CFAP20DC: variants seen among roughly 807,000 people sequenced by gnomAD.
The protein encoded by CFAP20DC is CFAP20 domain containing.
A neutral mutation model predicts 101.7 loss-of-function variants in CFAP20DC; 84 were observed. That is an observed-to-expected ratio of 0.83 (90% CI 0.69 to 0.99). The LOEUF is 0.99. Among genes scored for constraint, CFAP20DC ranks in the 50% least tolerant of loss-of-function variants. The pLI is 0.00. For missense variants in CFAP20DC, 1,007 were observed against 970.3 expected (o/e 1.04, Z -0.50); for synonymous variants, 359 against 351.2 (o/e 1.02, Z -0.25).
In CFAP20DC at chr3:58,748,309, T is replaced by C. The variant is rs1000956562; in HGVS notation, c.2332+5460A>G. On this transcript the variant is annotated intron_variant, in intron 16 of 16. Coordinates refer to ENST00000482387, the MANE Select transcript of CFAP20DC (RefSeq NM_001394063.1). Reference sequence around the variant, plus strand: ...GTATCAACGTTGAGCTATGGGAAAATGCATCCCAATTCCAGCAAGGAAAGC... The same window carrying C: ...GTATCAACGTTGAGCTATGGGAAAACGCATCCCAATTCCAGCAAGGAAAGC... 2.6e-5 allele frequency among the ~76,000 whole-genome samples: 4 copies of C among 152,094 alleles called. No individual in the cohort carries two copies. The East Asian group carries it at 7.7e-4, about 29-fold the overall frequency.
At chr3:58,961,382 C>T (rs1294094987) in intron 4 of CFAP20DC, among the ~76,000 whole-genome samples, 7 of 151,990 alleles carry the variant, frequency 4.6e-5, no homozygotes, top group East Asian at 1.9e-4. Flanking sequence ...GGTGAAACCC[C>T]GTCTCTACTA....
At chr3:58,855,820 G>C (rs2078738453) in intron 12 of CFAP20DC, among the ~76,000 whole-genome samples, 1 of 130,172 alleles carries the variant, frequency 7.7e-6, no homozygotes, top group African/African-American at 2.9e-5. Context: ...GAACATCACA[G>C]TCTGGGGACT....
intron 13 of CFAP20DC, among the ~76,000 whole-genome samples, chr3:58,834,022 C>T (rs7627981): frequency 0.18 from 27,818 of 151,936 alleles, 4,494 homozygotes; most frequent in African/African-American, 0.42. Flanking sequence ...AATAGATTAG[C>T]GGATGGTGGG....
intron 3 of CFAP20DC, chr3:58,725,917 G>T (rs993160241): frequency 3.1e-5 from 5 of 160,246 alleles, no homozygotes; most frequent in Non-Finnish European, 6.8e-5. Flanking sequence ...AACTCAAGGT[G>T]CAACAGTTAC....
At position 58,859,215 on chromosome 3, in the gene CFAP20DC, A is replaced by T. The variant is rs1190104258; in HGVS notation, c.1593+4343T>A. On this transcript the variant is annotated intron_variant, in intron 12 of 16. Transcript: ENST00000482387. The surrounding 1 kb of genome is among the most constrained non-coding windows in gnomAD (Gnocchi z 4.1). ...GATATTAAAAAGGTTTGGCCAAATTACTTTCATGACATCTTTACCTATAGC... is the reference window on the plus strand; with the variant it reads ...GATATTAAAAAGGTTTGGCCAAATTTCTTTCATGACATCTTTACCTATAGC... Among the ~76,000 whole-genome samples the T allele has an allele frequency of 1.3e-5, 2 of 152,338 alleles. No homozygotes were observed. The highest frequency in any genetic ancestry group is 4.8e-5 in the African/African-American group (2 of 41,586).
At chr3:58,891,600 G>A (rs993677216) in intron 6 of CFAP20DC, among the ~76,000 whole-genome samples, 1 of 152,076 alleles carries the variant, frequency 6.6e-6, no homozygotes, top group Non-Finnish European at 1.5e-5. Context: ...CTGCATGTAC[G>A]GCTTCTTTTG....
rs2081277236 is a variant in CFAP20DC, at chr3:58,882,163, T to C, written c.715+2382A>G. ...ATTAGATGACAATTATTCATTTCTG[T>C]ATATATGACTCAAGTTCACTACTAT... On this transcript the variant is annotated intron_variant, in intron 7 of 16. Coordinates refer to ENST00000482387, the MANE Select transcript of CFAP20DC (RefSeq NM_001394063.1). This position sits in a 1 kb window ranked among gnomAD's most constrained non-coding sequence, Gnocchi z 4.2. Among the ~76,000 whole-genome samples the C allele has an allele frequency of 6.6e-6, 1 of 152,178 alleles. No homozygotes were observed. Among genetic ancestry groups the C allele is most frequent in the South Asian group, 2.1e-4 (1 of 4,832 alleles).
chr3:58,825,835 T>C (rs1328672007), intron 14 of CFAP20DC, among the ~76,000 whole-genome samples: 1 of 152,230 alleles, frequency 6.6e-6, no homozygotes, highest in Non-Finnish European at 1.5e-5. Context: ...CTCAGTAGGC[T>C]TGATTTATTT....
At chr3:58,949,300 C>T (rs377372054) in intron 4 of CFAP20DC, among the ~76,000 whole-genome samples, 2 of 151,808 alleles carry the variant, frequency 1.3e-5, no homozygotes, top group East Asian at 3.8e-4. Flanking sequence ...CTGCTCTGAT[C>T]TTAGTTATTT....
chr3:58,987,999 A>T (rs1215447941), intron 4 of CFAP20DC, among the ~76,000 whole-genome samples: 1 of 152,094 alleles, frequency 6.6e-6, no homozygotes, highest in East Asian at 1.9e-4. Context: ...GAGGATGACT[A>T]GAAAAATTAT....
intron 4 of CFAP20DC, among the ~76,000 whole-genome samples, chr3:58,991,339 A>G (rs1397711345): frequency 6.6e-6 from 1 of 152,158 alleles, no homozygotes; most frequent in African/African-American, 2.4e-5. Context: ...TAGGAAATTA[A>G]TGATGTCTTC....
rs541691580 is a variant in CFAP20DC, at chr3:58,939,289, G to C, written c.279-1527C>G. Among the ~76,000 whole-genome samples the C allele has an allele frequency of 1.2e-4, 19 of 152,096 alleles. No individual in the cohort carries two copies. In the South Asian group the frequency reaches 4.0e-3, roughly 32 times the overall value. ...AATCATGTCATCAGAGACGCTATTA[G>C]GTCTCTTCTGTAAGTTCTCATTAGG... On this transcript the variant is annotated intron_variant, in intron 4 of 16. Transcript: ENST00000482387.
At chr3:58,771,824 A>G (rs914911816) in intron 15 of CFAP20DC, among the ~76,000 whole-genome samples, 3 of 151,914 alleles carry the variant, frequency 2.0e-5, no homozygotes, top group Admixed American at 6.6e-5. Flanking sequence ...CCCAAACCCC[A>G]TTTCCTGTTG....
chr3:58,858,080 T>C (rs2078980098), intron 12 of CFAP20DC, among the ~76,000 whole-genome samples: 1 of 152,234 alleles, frequency 6.6e-6, no homozygotes, highest in Non-Finnish European at 1.5e-5. Context: ...TGTACAGCAA[T>C]TGAATATAAT....
intron 12 of CFAP20DC, among the ~76,000 whole-genome samples, chr3:58,851,858 G>T (rs761268672): frequency 4.6e-5 from 7 of 152,146 alleles, no homozygotes; most frequent in Non-Finnish European, 7.4e-5. Context: ...CAAAACTCTT[G>T]CAAATTTGAA....
rs1226305160 is a variant in CFAP20DC at position 58,869,331 on chromosome 3, G to A, written c.1012C>T (p.His338Tyr). The change falls in exon 9 of 17, where the codon CAT becomes TAT. Residue 338 changes from histidine (H) to tyrosine (Y), a missense_variant. Transcript: ENST00000482387. This position sits in a 1 kb window ranked among gnomAD's most constrained non-coding sequence, Gnocchi z 4.3. The part of the protein sequence containing the change: ...IHQIKQTVPI[H>Y]AANLHIMHPH... ...TTTATGCATGATTATTTCTTACCATGAATAGGTACAGTCTGCTTTATTTGG... is the reference window on the plus strand; with the variant it reads ...TTTATGCATGATTATTTCTTACCATAAATAGGTACAGTCTGCTTTATTTGG... 9.9e-6 allele frequency: 16 copies of A among 1,608,760 alleles called. No individual in the cohort carries two copies. The South Asian group carries it at 1.7e-4, about 17-fold the overall frequency.
chr3:58,941,791 C>T (rs190400748), intron 4 of CFAP20DC, among the ~76,000 whole-genome samples: 3 of 152,124 alleles, frequency 2.0e-5, no homozygotes, highest in Non-Finnish European at 2.9e-5. Flanking sequence ...CTCCTGACCT[C>T]GTGATCCGCC....
chr3:58,753,844 T>C lies in CFAP20DC; in HGVS notation c.2257A>G (p.Ser753Gly). The change falls in exon 16 of 17, where the codon AGC (serine) becomes GGC (glycine). Residue 753 changes from serine to glycine, a missense_variant. Ser to Gly is a moderately conservative substitution (Grantham distance 56, BLOSUM62 0). Coordinates refer to ENST00000482387, the MANE Select transcript of CFAP20DC (RefSeq NM_001394063.1). ...SNPRDWLNML[S>G]PPIVPPSQQP... ...TGACTGGGAGGAACGATTGGTGGGC[T>C]CAACATATTTAACCAGTCCCTAAAA... 6.2e-7 allele frequency: 1 copy of C among 1,611,680 alleles called. No individual in the cohort carries two copies. The highest frequency in any genetic ancestry group is 8.5e-7 in the Non-Finnish European group (1 of 1,178,536).
In CFAP20DC at chr3:58,717,540, A is replaced by C; in HGVS notation, c.*48T>G. ...ATGCTCAAGGAAGAAGTGAGGACCC[A>C]CACTTCCAGGTTCTTGTCCTGATAT... On this transcript the variant is annotated 3_prime_UTR_variant, in exon 4 of 4. Coordinates refer to the CFAP20DC transcript ENST00000486145. This position sits in a 1 kb window ranked among gnomAD's most constrained non-coding sequence, Gnocchi z 4.1. 1 of 432,838 alleles carries C rather than the reference A, an allele frequency of 2.3e-6. No individual in the cohort carries two copies. Among genetic ancestry groups the C allele is most frequent in the Non-Finnish European group, 4.6e-6 (1 of 218,936 alleles). 26.8% of individuals were successfully genotyped at this position (432,838 alleles called of 1,614,324 possible). A position where few individuals can be genotyped will look rare whatever the true frequency, so the allele number is the denominator to read the frequency against.
Sources: allele counts gnomAD v4.1 joint callset (sites outside exome capture counted in the v4.1 genomes callset), GRCh38; gene constraint gnomAD v4.1.1; non-coding constraint Gnocchi (gnomAD v3.1); transcripts MANE v1.5; gene names NCBI Gene and HGNC (gene_info 2026-07-23, HGNC 2026-07-21).